Variants in PID1 observed in about 807,000 individuals in gnomAD.
PID1 encodes phosphotyrosine interaction domain containing 1.
Under a neutral mutation model 19.1 loss-of-function variants are expected in PID1, and 10 were observed. The ratio of observed to expected loss-of-function variants is 0.52; its 90% CI spans 0.32 to 0.89. PID1 has a LOEUF of 0.89. PID1 is among the 40% of genes least tolerant of loss of function. The pLI, the probability that PID1 is intolerant of heterozygous loss-of-function variation, is 0.03. For synonymous variants in PID1, 130 were observed against 116.0 expected (o/e 1.12, Z -0.78); for missense variants, 248 against 285.3 (o/e 0.87, Z 0.94).
chr2:229,158,029 C>T (rs938912037), intron 1 of PID1, among the ~76,000 whole-genome samples: 3 of 152,170 alleles, frequency 2.0e-5, no homozygotes, highest in East Asian at 1.9e-4. Context: ...AAACAAAATA[C>T]AGCATGAACT....
At chr2:229,159,529 G>A (rs749385091) in intron 1 of PID1, among the ~76,000 whole-genome samples, 7 of 152,076 alleles carry the variant, frequency 4.6e-5, no homozygotes, top group Non-Finnish European at 1.0e-4. Flanking sequence ...TCAGCCCACG[G>A]TTCCAGCCCA....
chr2:229,168,025 G>A (rs1216431917), intron 1 of PID1, among the ~76,000 whole-genome samples: 1 of 152,114 alleles, frequency 6.6e-6, no homozygotes, highest in Non-Finnish European at 1.5e-5. Flanking sequence ...CCGACAAGAA[G>A]TCTGTTATAA....
At chr2:229,052,293 A>G (rs1302284642) in intron 2 of PID1, among the ~76,000 whole-genome samples, 1 of 152,180 alleles carries the variant, frequency 6.6e-6, no homozygotes, top group Non-Finnish European at 1.5e-5. Flanking sequence ...CTGGGGAAAA[A>G]AAAATCCCAT....
At chr2:229,201,519 T>C (rs1691498923) in intron 1 of PID1, among the ~76,000 whole-genome samples, 1 of 152,124 alleles carries the variant, frequency 6.6e-6, no homozygotes, top group African/African-American at 2.4e-5. Flanking sequence ...GCTTATCCTT[T>C]CACCTGTCAA....
chr2:229,029,518 T>C (rs959776376), intron 2 of PID1, among the ~76,000 whole-genome samples: 4 of 152,036 alleles, frequency 2.6e-5, no homozygotes, highest in Admixed American at 6.6e-5. Flanking sequence ...TTCTATACCA[T>C]GTAGAAAACA....
rs563130061 is a variant in PID1, at chr2:229,163,158, T to C, written c.31-7194A>G. On this transcript the variant is annotated intron_variant, in intron 1 of 2. Coordinates refer to ENST00000392055, the MANE Select transcript of PID1 (RefSeq NM_001100818.2). The stretch of plus-strand genomic sequence containing the variant: ...GTTTGTCTATTTTTTCCTTTGACCC[T>C]TTTTTAATGCAAAATAGGTCAAATA... Among the ~76,000 whole-genome samples the C allele has an allele frequency of 2.6e-5, 4 of 152,298 alleles. No individual in the cohort carries two copies. The South Asian group carries it at 8.3e-4, about 32-fold the overall frequency.
At chr2:229,077,239 GT>G (rs1209280372) in intron 2 of PID1, among the ~76,000 whole-genome samples, 3 of 151,946 alleles carry the variant, frequency 2.0e-5, no homozygotes, top group Non-Finnish European at 2.9e-5. Flanking sequence ...GGGGTTGTTT[GT>G]TTTTTTCATG....
chr2:229,084,496 T>C lies in PID1; in HGVS notation c.178-58388A>G, dbSNP rs577702476. ...TTGAGCTGGCAATAGTGATTTGACTTAGCTGGTGGGTTTACAGGCATATGA... is the reference window on the plus strand; with the variant it reads ...TTGAGCTGGCAATAGTGATTTGACTCAGCTGGTGGGTTTACAGGCATATGA... On this transcript the variant is annotated intron_variant, in intron 2 of 2. Transcript: ENST00000392055. Among the ~76,000 whole-genome samples, 304 of 152,320 alleles carry C rather than the reference T, an allele frequency of 2.0e-3. 3 individuals are homozygous for C. Among genetic ancestry groups the C allele is most frequent in the African/African-American group, 6.3e-3 (264 of 41,584 alleles).
At chr2:229,168,060 T>A (rs979429934) in intron 1 of PID1, among the ~76,000 whole-genome samples, 6 of 152,334 alleles carry the variant, frequency 3.9e-5, no homozygotes, top group Admixed American at 3.3e-4. Flanking sequence ...CCTTGTAATA[T>A]GTCTTTTGTT....
chr2:229,173,994 A>C (rs1210293019), intron 1 of PID1, among the ~76,000 whole-genome samples: 1 of 152,186 alleles, frequency 6.6e-6, no homozygotes, highest in African/African-American at 2.4e-5. Context: ...TAACTAGGAG[A>C]GAGCACCTTC....
chr2:229,223,977 T>G (rs1692026337), intron 1 of PID1, among the ~76,000 whole-genome samples: 1 of 152,156 alleles, frequency 6.6e-6, no homozygotes, highest in Admixed American at 6.6e-5. Context: ...TGTTTCCACC[T>G]TTATGTCCAT....
At chr2:229,158,602 A>C (rs375229743) in intron 1 of PID1, among the ~76,000 whole-genome samples, 9 of 152,162 alleles carry the variant, frequency 5.9e-5, no homozygotes, top group African/African-American at 1.9e-4. Context: ...CAAACCACAA[A>C]TATTAAAAAA....
At chr2:229,175,901 GTT>G (rs1690811847) in intron 1 of PID1, among the ~76,000 whole-genome samples, 2 of 152,074 alleles carry the variant, frequency 1.3e-5, no homozygotes, top group South Asian at 4.1e-4. Flanking sequence ...ACTAGAAAAG[GTT>G]TTTTTACAGT....
chr2:229,228,914 G>C (rs1333559824), intron 1 of PID1, among the ~76,000 whole-genome samples: 1 of 152,196 alleles, frequency 6.6e-6, no homozygotes, highest in Non-Finnish European at 1.5e-5. Context: ...CCTGAGGAGA[G>C]AACATATTCC....
intron 1 of PID1, among the ~76,000 whole-genome samples, chr2:229,167,266 A>G (rs772434723): frequency 6.6e-6 from 1 of 152,148 alleles, no homozygotes; most frequent in African/African-American, 2.4e-5. Context: ...TGTCTCAAAG[A>G]ATCTTTCCAG....
At chr2:229,050,039 G>C (rs1693962212) in intron 2 of PID1, among the ~76,000 whole-genome samples, 1 of 152,068 alleles carries the variant, frequency 6.6e-6, no homozygotes, top group Non-Finnish European at 1.5e-5. Flanking sequence ...TTATAACAGA[G>C]GAAAAATATG....
intron 1 of PID1, among the ~76,000 whole-genome samples, chr2:229,217,084 C>T (rs1364856911): frequency 6.6e-6 from 1 of 152,180 alleles, no homozygotes. Context: ...GAATTGGCTA[C>T]CAGTGTCCTT....
chr2:229,184,380 C>A (rs1157379108), intron 1 of PID1, among the ~76,000 whole-genome samples: 1 of 123,284 alleles, frequency 8.1e-6, no homozygotes, highest in Non-Finnish European at 1.7e-5. Flanking sequence ...CCATATATAT[C>A]TATCCCGTAT....
At chr2:229,215,323 A>G (rs1197546708) in intron 1 of PID1, among the ~76,000 whole-genome samples, 1 of 152,202 alleles carries the variant, frequency 6.6e-6, no homozygotes, top group Non-Finnish European at 1.5e-5. Flanking sequence ...CCATTTTTCT[A>G]CTGGATTGCT....
Sources: gnomAD v4.1 joint callset for allele counts (sites outside exome capture counted in the v4.1 genomes callset) on GRCh38, gnomAD v4.1.1 for gene constraint, MANE v1.5 for transcripts, NCBI Gene and HGNC (gene_info 2026-07-23, HGNC 2026-07-21) for gene names.